CHD8: variants seen among roughly 807,000 people sequenced by gnomAD.
CHD8 encodes chromodomain helicase DNA binding protein 8.
CHD8 carries 31 observed loss-of-function variants against 279.2 expected under a neutral mutation model. The observed-to-expected ratio is 0.11, with a 90% CI of 0.08 to 0.15. The LOEUF (loss-of-function observed/expected upper bound fraction) is 0.15. Ranked by LOEUF, CHD8 falls within the 10% of genes least tolerant of loss-of-function variation. The pLI, the probability that CHD8 is intolerant of heterozygous loss-of-function variation, is 1.00. For synonymous variants in CHD8, 1,081 were observed against 1,139.6 expected (o/e 0.95, Z 1.04); for missense variants, 2,146 against 3,230.5 (o/e 0.66, Z 8.14).
chr14:21,436,951 GA>G (rs1276131307), intron 1 of CHD8: 6 of 1,287,888 alleles, frequency 4.7e-6, no homozygotes, highest in Non-Finnish European at 6.1e-6. Context: ...AGCAGAGGCG[GA>G]AGATTTCTGG....
At chr14:21,437,728 C>T (rs1046776611) in intron 1 of CHD8, among the ~76,000 whole-genome samples, 8 of 152,172 alleles carry the variant, frequency 5.3e-5, no homozygotes, top group African/African-American at 1.9e-4. Context: ...TGGGAGTCAG[C>T]CCAGCTGGAA....
rs772623372 is a variant in CHD8, at chr14:21,400,844, C to T, written c.4370+31G>A. ...TCTATCAGGATGGAGATGCACTATG[C>T]ACTACCTCTAATGGTAAGTTGGGGT... On this transcript the variant is annotated intron_variant, in intron 22 of 37. Coordinates refer to ENST00000646647, the MANE Select transcript of CHD8 (RefSeq NM_001170629.2). This position sits in a 1 kb window ranked among gnomAD's most constrained non-coding sequence, Gnocchi z 4.2. The T allele has an allele frequency of 1.9e-6, 3 of 1,566,858 alleles. No homozygotes were observed. Among genetic ancestry groups the T allele is most frequent in the Non-Finnish European group, 2.6e-6 (3 of 1,155,904 alleles).
At chr14:21,448,837 A>G (rs1890187730) in intron 1 of CHD8, among the ~76,000 whole-genome samples, 1 of 146,716 alleles carries the variant, frequency 6.8e-6, no homozygotes, top group Admixed American at 6.8e-5. Flanking sequence ...TGCTGGGATT[A>G]CAGGCGTGAG....
rs1890384281 is a variant in CHD8, at chr14:21,456,113, G to C, written c.-297C>G. The C allele has an allele frequency of 6.6e-6, 1 of 152,170 alleles. No individual in the cohort carries two copies. The highest frequency in any genetic ancestry group is 1.5e-5 in the Non-Finnish European group (1 of 68,146). The allele number at this position is 152,170 out of a possible 1,614,324, so 9.4% of individuals were successfully genotyped here. ...AACAAGGCGCCTTCCGGCGGAGCAT[G>C]GCCAGCCCTCGCCTCAATCTAGCTT... On this transcript the variant is annotated 5_prime_UTR_variant, in exon 1 of 38. Coordinates refer to ENST00000646647, the MANE Select transcript of CHD8 (RefSeq NM_001170629.2).
chr14:21,395,038 G>A lies in CHD8; in HGVS notation c.5264C>T (p.Ala1755Val). The A allele has an allele frequency of 6.8e-6, 11 of 1,614,016 alleles. No homozygotes were observed. The highest frequency in any genetic ancestry group is 1.1e-5 in the South Asian group (1 of 91,088). Residue 1755 changes from alanine to valine, a missense_variant, in exon 30 of 38, where the codon GCG becomes GTG. Transcript: ENST00000646647. ...LTARLRRLVT[A>V]YQRSYKREQM... ...TTCTCTCTTGTAGCTGCGCTGATAC[G>A]CTGTTACTAGACGCCGAAGCCTAGC...
intron 14 of CHD8, among the ~76,000 whole-genome samples, chr14:21,406,399 C>T (rs1181549289): frequency 2.0e-5 from 3 of 152,148 alleles, no homozygotes; most frequent in Admixed American, 1.3e-4. Context: ...GAGACTACCA[C>T]ACAAAGCAGC....
chr14:21,386,166 G>A lies in CHD8; in HGVS notation c.7193C>T (p.Thr2398Ile). 1 of 1,551,854 alleles carries A rather than the reference G, an allele frequency of 6.4e-7. No individual in the cohort carries two copies. Among genetic ancestry groups the A allele is most frequent in the South Asian group, 1.2e-5 (1 of 84,062 alleles). ...NSRNGKKGHH[T>I]ETVFNRVLPG... ...CAAAACCCGGTTGAACACCGTTTCAGTGTGATGACCCTAGGAGGAGGGAAT... is the reference window on the plus strand; with the variant it reads ...CAAAACCCGGTTGAACACCGTTTCAATGTGATGACCCTAGGAGGAGGGAAT... The change falls in exon 38 of 38, where the codon ACT (threonine) becomes ATT (isoleucine). Residue 2398 changes from threonine (T) to isoleucine (I), a missense_variant. Physicochemically the swap from Thr to Ile is moderately conservative, Grantham distance 89. Transcript: ENST00000646647.
At chr14:21,424,288 T>A (rs1889196941) in intron 5 of CHD8, among the ~76,000 whole-genome samples, 1 of 152,214 alleles carries the variant, frequency 6.6e-6, no homozygotes, top group African/African-American at 2.4e-5. Context: ...TTTTAAATGG[T>A]GTTTTAATCA....
chr14:21,394,528 TCAG>T, intron 30 of CHD8, 43 bp from the exon 31 acceptor site: 2 of 1,226,384 alleles, frequency 1.6e-6, no homozygotes, highest in Non-Finnish European at 2.2e-6. Flanking sequence ...GAAGAACACA[TCAG>T]AAGAACACAA....
At position 21,400,367 on chromosome 14, in the gene CHD8, T is replaced by G; in HGVS notation, c.4570+46A>C. On this transcript the variant is annotated intron_variant, in intron 23 of 37. Coordinates refer to ENST00000646647, the MANE Select transcript of CHD8 (RefSeq NM_001170629.2). The surrounding 1 kb of genome is among the most constrained non-coding windows in gnomAD (Gnocchi z 4.2). ...GAAAAACCCTTGGACCTGAAAAGGA[T>G]TAGATTAACCTATAGAAAAACATAA... The G allele has an allele frequency of 6.2e-7, 1 of 1,606,508 alleles. No homozygotes were observed. The highest frequency in any genetic ancestry group is 8.5e-7 in the Non-Finnish European group (1 of 1,177,458).
In CHD8 at chr14:21,403,954, CCA is replaced by C. The variant is rs1472660730; in HGVS notation, c.3308-293_3308-292del. Among the ~76,000 whole-genome samples the C allele has an allele frequency of 6.6e-6, 1 of 152,004 alleles. No individual in the cohort carries two copies. Among genetic ancestry groups the C allele is most frequent in the African/African-American group, 2.4e-5 (1 of 41,378 alleles). The stretch of plus-strand genomic sequence containing the variant: ...TCTCTACTAACAATACAAAAATTAG[CCA>C]GGTGTGGTGGCGGAGGCCTGTAGTT... On this transcript the variant is annotated intron_variant, in intron 16 of 37. Transcript: ENST00000646647. This position sits in a 1 kb window ranked among gnomAD's most constrained non-coding sequence, Gnocchi z 4.3.
chr14:21,436,900 C>A, intron 1 of CHD8: 1 of 1,276,552 alleles, frequency 7.8e-7, no homozygotes, highest in Non-Finnish European at 1.0e-6. Flanking sequence ...GGGTACATTA[C>A]CTGCTCATAC....
chr14:21,447,711 G>T (rs1465854563), intron 1 of CHD8, among the ~76,000 whole-genome samples: 8 of 151,970 alleles, frequency 5.3e-5, no homozygotes, highest in African/African-American at 1.9e-4. Context: ...ATAGAGCATG[G>T]ATTCTTTTTT....
At chr14:21,441,938 A>G (rs1389414325) in intron 1 of CHD8, among the ~76,000 whole-genome samples, 1 of 152,096 alleles carries the variant, frequency 6.6e-6, no homozygotes, top group Admixed American at 6.6e-5. Context: ...TGAGCTGCCT[A>G]TAGTATGTTA....
At position 21,400,765 on chromosome 14, in the gene CHD8, C is replaced by T. The variant is rs1887995053; in HGVS notation, c.4370+110G>A. ...ACTCCCTCCAAGGCAAATATTTTTTCACATTATCCCTTCTTTGATCATAGC... is the reference window on the plus strand; with the variant it reads ...ACTCCCTCCAAGGCAAATATTTTTTTACATTATCCCTTCTTTGATCATAGC... On this transcript the variant is annotated intron_variant, in intron 22 of 37. Coordinates refer to ENST00000646647, the MANE Select transcript of CHD8 (RefSeq NM_001170629.2). The surrounding 1 kb of genome is among the most constrained non-coding windows in gnomAD (Gnocchi z 4.2). 1 of 1,318,406 alleles carries T rather than the reference C, an allele frequency of 7.6e-7. No individual in the cohort carries two copies. The allele number at this position is 1,318,406 out of a possible 1,614,324, so 81.7% of individuals were successfully genotyped here.
In CHD8 at chr14:21,402,232, T is replaced by C; in HGVS notation, c.3883-96A>G. On this transcript the variant is annotated intron_variant, in intron 19 of 37. Transcript: ENST00000646647. The surrounding 1 kb of genome is among the most constrained non-coding windows in gnomAD (Gnocchi z 4.5). ...CTATTATATTTTAAGAAATAATAAT[T>C]GAGAATCCAAACAAGGTAGTCAAAT... 6.7e-7 allele frequency: 1 copy of C among 1,495,956 alleles called. No homozygotes were observed. Among genetic ancestry groups the C allele is most frequent in the Non-Finnish European group, 9.2e-7 (1 of 1,089,518 alleles). The allele number at this position is 1,495,956 out of a possible 1,614,324, so 92.7% of individuals were successfully genotyped here.
Position 21,430,951 on chromosome 14 carries a change from G to A in CHD8, c.693C>T (p.Asn231=). Residue 231 remains asparagine, a synonymous_variant, in exon 2 of 38, where the codon AAC becomes AAT. Transcript: ENST00000646647. The part of the protein sequence containing the change: ...NTVLAAKVPG[N]QAAVQRIVQP... Reference sequence around the variant, plus strand: ...GGACAATGCGCTGAACAGCAGCCTGGTTCCCAGGGACCTTGGCGGCCAACA... The same window carrying A: ...GGACAATGCGCTGAACAGCAGCCTGATTCCCAGGGACCTTGGCGGCCAACA... 6.3e-7 allele frequency: 1 copy of A among 1,599,580 alleles called. No homozygotes were observed. Among genetic ancestry groups the A allele is most frequent in the South Asian group, 1.1e-5 (1 of 91,078 alleles).
rs774384453 is a variant in CHD8, at chr14:21,400,391, A to T, written c.4570+22T>A. 47 of 1,597,688 alleles carry T rather than the reference A, an allele frequency of 2.9e-5. No individual in the cohort carries two copies. The South Asian group carries it at 4.1e-4, about 14-fold the overall frequency. On this transcript the variant is annotated intron_variant, in intron 23 of 37. Coordinates refer to ENST00000646647, the MANE Select transcript of CHD8 (RefSeq NM_001170629.2). This position sits in a 1 kb window ranked among gnomAD's most constrained non-coding sequence, Gnocchi z 4.2. ...ATTAGATTAACCTATAGAAAAACATAAAGTAAAGAGTTGATAATTACCTGA... is the reference window on the plus strand; with the variant it reads ...ATTAGATTAACCTATAGAAAAACATTAAGTAAAGAGTTGATAATTACCTGA...
chr14:21,454,217 G>C lies in CHD8; in HGVS notation c.-216+1815C>G, dbSNP rs185380433. On this transcript the variant is annotated intron_variant, in intron 1 of 37. Coordinates refer to ENST00000646647, the MANE Select transcript of CHD8 (RefSeq NM_001170629.2). ...GAAAAGAAAAGAAAAGAAAAGAAAA[G>C]AAAACTGACAAAACCAAAAGAGCAG... is the stretch of plus-strand genomic sequence containing the variant. Among the ~76,000 whole-genome samples, 18 of 145,474 alleles carry C rather than the reference G, an allele frequency of 1.2e-4. No individual in the cohort carries two copies. The East Asian group carries it at 3.4e-3, about 28-fold the overall frequency.
Sources: allele counts gnomAD v4.1 joint callset (sites outside exome capture counted in the v4.1 genomes callset), GRCh38; gene constraint gnomAD v4.1.1; non-coding constraint Gnocchi (gnomAD v3.1); transcripts MANE v1.5; gene names NCBI Gene and HGNC (gene_info 2026-07-23, HGNC 2026-07-21).